The following INSIG2 variants were observed in gnomAD, a reference collection of about 807,000 sequenced individuals.
The protein encoded by INSIG2 is insulin induced gene 2, also known as insulin-induced gene 2 protein.
A neutral mutation model predicts 27.2 loss-of-function variants in INSIG2; 10 were observed. The ratio of observed to expected loss-of-function variants is 0.37; its 90% confidence interval spans 0.23 to 0.62. The LOEUF (loss-of-function observed/expected upper bound fraction) is 0.62. INSIG2 is among the 20% of genes least tolerant of loss of function. INSIG2 has a pLI of 0.65. For synonymous variants in INSIG2, 97 were observed against 95.8 expected, an observed-to-expected ratio of 1.01 and a Z score of -0.07; for missense variants, 178 against 270.2, an observed-to-expected ratio of 0.66 and a Z score of 2.39.
At chr2:118,105,832 A>G (rs1678659630) in intron 3 of INSIG2, among the ~76,000 whole-genome samples, 1 of 152,158 alleles carries the variant, frequency 6.6e-6, no homozygotes, top group Non-Finnish European at 1.5e-5. Flanking sequence ...CGCCTTCCCC[A>G]GTAGCTGGTT....
intron 1 of INSIG2, among the ~76,000 whole-genome samples, chr2:118,092,871 T>C (rs1352195357): frequency 6.9e-6 from 1 of 144,308 alleles, no homozygotes; most frequent in Admixed American, 7.0e-5. Flanking sequence ...ATGATGATGA[T>C]GATGATGATG....
intron 1 of INSIG2, among the ~76,000 whole-genome samples, chr2:118,089,291 C>A (rs1305856023): frequency 6.6e-6 from 1 of 152,110 alleles, no homozygotes; most frequent in Non-Finnish European, 1.5e-5. Context: ...TAGCTAGATG[C>A]TCTAGGAAAA....
chr2:118,106,841 A>G lies in INSIG2; in HGVS notation c.474A>G (p.Gly158=). Residue 158 remains glycine (G), a synonymous_variant, in exon 4 of 6, where the codon GGA becomes GGG. Transcript: ENST00000245787. ...GATCTAGAAGTGGTTTTGGCCTTGGAGTAGGAATTGCCTTCTTGGCAACTG... is the reference window on the plus strand; with the variant it reads ...GATCTAGAAGTGGTTTTGGCCTTGGGGTAGGAATTGCCTTCTTGGCAACTG... ...FDRSRSGFGL[G]VGIAFLATVV... is the part of the protein sequence containing the mutation. 6.2e-7 allele frequency: 1 copy of G among 1,614,120 alleles called. No homozygotes were observed. Among genetic ancestry groups the G allele is most frequent in the Non-Finnish European group, 8.5e-7 (1 of 1,179,978 alleles).
At chr2:118,102,985 G>T (rs889903) in intron 2 of INSIG2, among the ~76,000 whole-genome samples, 3 of 151,704 alleles carry the variant, frequency 2.0e-5, no homozygotes, top group African/African-American at 7.3e-5. Context: ...GTAATCATTT[G>T]CAATACTTTC....
intron 3 of INSIG2, among the ~76,000 whole-genome samples, chr2:118,105,327 C>T (rs1678647938): frequency 6.6e-6 from 1 of 152,196 alleles, no homozygotes; most frequent in Non-Finnish European, 1.5e-5. Context: ...AGGCATGAGC[C>T]ACCGCACCTG....
intron 2 of INSIG2, among the ~76,000 whole-genome samples, chr2:118,097,805 A>G (rs1317918532): frequency 6.6e-6 from 1 of 152,222 alleles, no homozygotes; most frequent in African/African-American, 2.4e-5. Context: ...TTGCAACATA[A>G]TATATGTCCT....
rs1448955098 is a variant in INSIG2, at chr2:118,110,134, G to C, written c.*1812G>C. The C allele has an allele frequency of 6.6e-6, 1 of 152,252 alleles. No homozygotes were observed. The highest frequency in any genetic ancestry group is 1.5e-5 in the Non-Finnish European group (1 of 68,016). The allele number at this position is 152,252 out of a possible 1,614,324, so 9.4% of individuals were successfully genotyped here. A position where few individuals can be genotyped will look rare whatever the true frequency, so the allele number is the denominator to read the frequency against. ...TGAAGTTACCAAGAAACGATGAAAA[G>C]AAACTAAATATAGTTGACCCTTGAA... On this transcript the variant is annotated 3_prime_UTR_variant, in exon 6 of 6. Coordinates refer to ENST00000245787, the MANE Select transcript of INSIG2 (RefSeq NM_016133.4).
At chr2:118,089,555 T>C (rs1252954245) in intron 1 of INSIG2, among the ~76,000 whole-genome samples, 1 of 151,910 alleles carries the variant, frequency 6.6e-6, no homozygotes, top group Non-Finnish European at 1.5e-5. Flanking sequence ...ATGAAGGGAA[T>C]GCTACTAATG....
chr2:118,092,990 G>A (rs539116644), intron 1 of INSIG2, among the ~76,000 whole-genome samples: 14 of 142,250 alleles, frequency 9.8e-5, no homozygotes, highest in Non-Finnish European at 2.1e-4. Context: ...ACTGAACCTT[G>A]CTAAAAGCAA....
chr2:118,092,304 G>A (rs530054826), intron 1 of INSIG2, among the ~76,000 whole-genome samples: 4 of 152,228 alleles, frequency 2.6e-5, no homozygotes, highest in African/African-American at 9.6e-5. Context: ...TATACAGAGT[G>A]TTAGTTTGCT....
rs945182248 is a variant in INSIG2, at chr2:118,103,448, T to C, written c.369+127T>C. The C allele has an allele frequency of 1.6e-5, 12 of 741,192 alleles. No homozygotes were observed. In the African/African-American group the frequency reaches 1.9e-4, roughly 12 times the overall value. The allele number at this position is 741,192 out of a possible 1,614,324, so 45.9% of individuals were successfully genotyped here. A position where few individuals can be genotyped will look rare whatever the true frequency, so the allele number is the denominator to read the frequency against. The stretch of plus-strand genomic sequence containing the variant: ...TGCCCACTTAGTCAGAAGAAGAATG[T>C]CAACCATATTGTTGAAACATCGGTG... On this transcript the variant is annotated intron_variant, in intron 3 of 5. Transcript: ENST00000245787.
rs1197415815 is a variant in INSIG2, at chr2:118,108,359, A to C, written c.*37A>C. On this transcript the variant is annotated 3_prime_UTR_variant, in exon 6 of 6. Coordinates refer to ENST00000245787, the MANE Select transcript of INSIG2 (RefSeq NM_016133.4). Reference sequence around the variant, plus strand: ...AATATCTTTTGTACAGAAAAGCAAGATGAAAAGGATGTGAAATGGTAGATA... The same window carrying C: ...AATATCTTTTGTACAGAAAAGCAAGCTGAAAAGGATGTGAAATGGTAGATA... 1.3e-6 allele frequency: 2 copies of C among 1,508,130 alleles called. No individual in the cohort carries two copies. Among genetic ancestry groups the C allele is most frequent in the Admixed American group, 3.6e-5 (2 of 55,026 alleles). The allele number at this position is 1,508,130 out of a possible 1,614,324, so 93.4% of individuals were successfully genotyped here.
intron 1 of INSIG2, among the ~76,000 whole-genome samples, chr2:118,091,045 A>T (rs1436050050): frequency 6.6e-6 from 1 of 152,208 alleles, no homozygotes; most frequent in Non-Finnish European, 1.5e-5. Context: ...TCAAATATAG[A>T]TTTTTAAAAA....
intron 2 of INSIG2, among the ~76,000 whole-genome samples, chr2:118,100,670 G>A (rs1030326694): frequency 2.0e-5 from 3 of 152,042 alleles, no homozygotes; most frequent in African/African-American, 4.8e-5. Flanking sequence ...GAGCCACCAC[G>A]CCTGGCCTTA....
rs1456422904 is a variant in INSIG2 at position 118,093,938 on chromosome 2, T to TGAG, written c.-138-2479_-138-2478insGGA. ...AAAAGCAACCAGATGATGATGATGATGATGAGGAGGAGGAGGAGGAGGAGG... is the reference window on the plus strand; with the variant it reads ...AAAAGCAACCAGATGATGATGATGATGAGGATGAGGAGGAGGAGGAGGAGGAGG... On this transcript the variant is annotated intron_variant, in intron 1 of 5. Coordinates refer to ENST00000245787, the MANE Select transcript of INSIG2 (RefSeq NM_016133.4). Among the ~76,000 whole-genome samples the TGAG allele has an allele frequency of 2.8e-3, 56 of 20,088 alleles. 2 individuals carry two copies. Among genetic ancestry groups the TGAG allele is most frequent in the African/African-American group, 5.1e-3 (31 of 6,062 alleles). 13.2% of individuals were successfully genotyped at this position (20,088 alleles called of 152,430 possible).
chr2:118,097,044 C>A (rs974447667), intron 2 of INSIG2, among the ~76,000 whole-genome samples: 1 of 152,164 alleles, frequency 6.6e-6, no homozygotes, highest in African/African-American at 2.4e-5. Flanking sequence ...CTCGTGTCCT[C>A]TTGCAGTCCA....
intron 3 of INSIG2, among the ~76,000 whole-genome samples, chr2:118,106,237 A>G (rs764193226): frequency 7.9e-5 from 12 of 152,222 alleles, no homozygotes; most frequent in Non-Finnish European, 1.5e-4. Context: ...TCAGTAAATC[A>G]TAGAGAGAAT....
intron 4 of INSIG2, 87 bp from the exon 5 acceptor site, chr2:118,107,003 T>A: frequency 1.4e-6 from 2 of 1,478,334 alleles, no homozygotes; most frequent in African/African-American, 1.4e-5. Flanking sequence ...GCCAGTTTAA[T>A]CTACAGAGTA....
chr2:118,099,633 G>A (rs1360076818), intron 2 of INSIG2, among the ~76,000 whole-genome samples: 3 of 152,178 alleles, frequency 2.0e-5, no homozygotes, highest in Admixed American at 1.3e-4. Context: ...AAGTAGAGAA[G>A]TTGCCTCAAA....
Sources: gnomAD v4.1 joint callset for allele counts (sites outside exome capture counted in the v4.1 genomes callset) on GRCh38, gnomAD v4.1.1 for gene constraint, MANE v1.5 for transcripts, NCBI Gene and HGNC (gene_info 2026-07-23, HGNC 2026-07-21) for gene names.